BRDT: variants seen among roughly 807,000 people sequenced by gnomAD.
BRDT encodes bromodomain testis associated, also known as bromodomain testis-specific protein.
BRDT carries 77 observed loss-of-function variants against 113.9 expected under a neutral mutation model. The ratio of observed to expected loss-of-function variants is 0.68; its 90% CI spans 0.56 to 0.82. The LOEUF is 0.82. Among genes scored for constraint, BRDT ranks in the 40% least tolerant of loss-of-function variants. The pLI is 0.00. For synonymous variants in BRDT, 358 were observed against 366.5 expected (o/e 0.98, Z 0.26); for missense variants, 1,027 against 1,105.4 (o/e 0.93, Z 1.01).
At chr1:91,989,702 C>T (rs961528272) in intron 12 of BRDT, among the ~76,000 whole-genome samples, 5 of 152,096 alleles carry the variant, frequency 3.3e-5, no homozygotes, top group Non-Finnish European at 7.3e-5. Flanking sequence ...GATGTATATT[C>T]TCAATCTTCT....
intron 4 of BRDT, among the ~76,000 whole-genome samples, chr1:91,970,281 C>T (rs1190674439): frequency 2.0e-5 from 3 of 152,108 alleles, no homozygotes; most frequent in Admixed American, 6.5e-5. Flanking sequence ...TGTTTTATTT[C>T]GAGACAGGGT....
At chr1:91,984,787 A>G (rs1284507872) in intron 12 of BRDT, among the ~76,000 whole-genome samples, 1 of 152,124 alleles carries the variant, frequency 6.6e-6, no homozygotes, top group Admixed American at 6.5e-5. Flanking sequence ...GTGTGCCACC[A>G]CGCTGGGCTA....
intron 1 of BRDT, among the ~76,000 whole-genome samples, chr1:91,951,730 C>T (rs1681108846): frequency 6.6e-6 from 1 of 152,064 alleles, no homozygotes; most frequent in African/African-American, 2.4e-5. Context: ...GCTGAGATCA[C>T]ACCACTGCAC....
At chr1:91,956,842 G>A (rs1403596543) in intron 1 of BRDT, among the ~76,000 whole-genome samples, 2 of 152,184 alleles carry the variant, frequency 1.3e-5, no homozygotes, top group African/African-American at 2.4e-5. Context: ...AGGAAACTGA[G>A]GGAGGAGGAT....
intron 16 of BRDT, among the ~76,000 whole-genome samples, chr1:92,003,820 T>G (rs1033271665): frequency 1.3e-5 from 2 of 152,170 alleles, no homozygotes; most frequent in African/African-American, 4.8e-5. Context: ...ATAAATATAT[T>G]AAATTTACTT....
intron 5 of BRDT, 50 bp from the exon 6 acceptor site, chr1:91,976,992 CT>C (rs754759998): frequency 7.2e-7 from 1 of 1,391,728 alleles, no homozygotes; most frequent in South Asian, 1.5e-5. Context: ...AGGAACTATG[CT>C]CTGAATATCA....
At chr1:92,000,168 G>A (rs568719778) in intron 15 of BRDT, among the ~76,000 whole-genome samples, 1 of 152,322 alleles carries the variant, frequency 6.6e-6, no homozygotes, top group Non-Finnish European at 1.5e-5. Context: ...CTGAGCCAGT[G>A]CACCCAGTCT....
intron 3 of BRDT, among the ~76,000 whole-genome samples, chr1:91,967,273 G>A (rs1357617496): frequency 6.6e-6 from 1 of 150,416 alleles, no homozygotes; most frequent in Non-Finnish European, 1.5e-5. Context: ...TTTCGCTCTT[G>A]TTGCCCAGGC....
intron 12 of BRDT, 143 bp downstream of exon 12, chr1:91,981,898 A>T: frequency 8.4e-7 from 1 of 1,184,242 alleles, no homozygotes; most frequent in East Asian, 2.6e-5. Flanking sequence ...GCATGTTGAC[A>T]ATCTTAGTAT....
In BRDT at chr1:92,004,608, A is replaced by G; in HGVS notation, c.2583A>G (p.Gln861=). The G allele has an allele frequency of 6.2e-7, 1 of 1,605,208 alleles. No individual in the cohort carries two copies. The highest frequency in any genetic ancestry group is 8.5e-7 in the Non-Finnish European group (1 of 1,177,578). ...EQNTKELKAS[Q]ENQRDLGNGL... ...ATACAAAGGAACTAAAAGCATCTCA[A>G]GAAAATCAGAGGTCTGTAATTTACT... The change falls in exon 17 of 19, where the codon CAA becomes CAG. Residue 861 remains glutamine, a synonymous_variant. Coordinates refer to ENST00000399546, the MANE Select transcript of BRDT (RefSeq NM_207189.4).
chr1:91,991,236 G>T lies in BRDT; in HGVS notation c.2055G>T (p.Glu685Asp). 6.5e-7 allele frequency: 1 copy of T among 1,539,162 alleles called. No homozygotes were observed. The highest frequency in any genetic ancestry group is 8.9e-7 in the Non-Finnish European group (1 of 1,125,062). Residue 685 changes from glutamate (E) to aspartate (D), a missense_variant, in exon 13 of 19, where the codon GAG (glutamate) becomes GAT (aspartate). Transcript: ENST00000399546. ...EVKPNDSPSK[E>D]NVKKMKNECI... is the part of the protein sequence containing the mutation. ...AACCAAATGATTCTCCTTCTAAAGA[G>T]AATGTAAAGGTAAGTGAATTCTTTA...
In BRDT at chr1:91,980,700, A is replaced by T. The variant is rs757728254; in HGVS notation, c.1345A>T (p.Asn449Tyr). ...VLSQVPFRKL[N>Y]KKKEKSKKEK... ...GTCCCAAGTACCTTTCCGTAAGCTA[A>T]ATAAAAAGAAAGAGAAGTCTAAAAA... is the stretch of plus-strand genomic sequence containing the variant. The change falls in exon 9 of 19, where the codon AAT (asparagine) becomes TAT (tyrosine). Residue 449 changes from asparagine (N) to tyrosine (Y), a missense_variant. Transcript: ENST00000399546. 3 of 1,605,766 alleles carry T rather than the reference A, an allele frequency of 1.9e-6. No individual in the cohort carries two copies. The Admixed American group carries it at 5.2e-5, about 28-fold the overall frequency.
chr1:92,010,941 G>A (rs1293449223), intron 18 of BRDT, among the ~76,000 whole-genome samples: 1 of 151,116 alleles, frequency 6.6e-6, no homozygotes, highest in African/African-American at 2.4e-5. Flanking sequence ...ACCAGGTGTC[G>A]TGAATGTTAC....
chr1:91,969,978 G>A (rs1278060755), intron 4 of BRDT, among the ~76,000 whole-genome samples: 3 of 151,960 alleles, frequency 2.0e-5, no homozygotes, highest in African/African-American at 7.2e-5. Context: ...ACAGGCGCAT[G>A]CCACCATGCC....
At chr1:91,990,062 T>C (rs1685625255) in intron 12 of BRDT, among the ~76,000 whole-genome samples, 1 of 152,212 alleles carries the variant, frequency 6.6e-6, no homozygotes, top group East Asian at 1.9e-4. Flanking sequence ...TTGGAGAGAC[T>C]GATCAGGGCA....
At chr1:91,959,061 A>G (rs922957556) in intron 1 of BRDT, among the ~76,000 whole-genome samples, 2 of 152,100 alleles carry the variant, frequency 1.3e-5, no homozygotes, top group African/African-American at 4.8e-5. Context: ...AAAAGTAGAA[A>G]ATGAAACCAT....
At chr1:92,000,366 A>C (rs1346554380) in intron 15 of BRDT, among the ~76,000 whole-genome samples, 1 of 152,194 alleles carries the variant, frequency 6.6e-6, no homozygotes, top group African/African-American at 2.4e-5. Context: ...AGCTTTTCTC[A>C]CTATTTTTTC....
rs1452065148 is a variant in BRDT at position 92,002,229 on chromosome 1, A to T, written c.2388+80A>T. 3.1e-6 allele frequency: 3 copies of T among 961,804 alleles called. No homozygotes were observed. The African/African-American group carries it at 5.0e-5, about 16-fold the overall frequency. 59.6% of individuals were successfully genotyped at this position (961,804 alleles called of 1,614,324 possible). A position where few individuals can be genotyped will look rare whatever the true frequency, so the allele number is the denominator to read the frequency against. On this transcript the variant is annotated intron_variant, in intron 16 of 18. Coordinates refer to ENST00000399546, the MANE Select transcript of BRDT (RefSeq NM_207189.4). ...GGAAGTGGTACAAGAGGTATTTAAA[A>T]GCCCTGACTTAAATGAAATGTTGGA...
chr1:91,978,340 T>C, intron 7 of BRDT, 44 bp downstream of exon 7: 1 of 1,598,306 alleles, frequency 6.3e-7, no homozygotes, highest in Non-Finnish European at 8.5e-7. Flanking sequence ...CCTCTGAACA[T>C]AGTTGAAACG....
Sources: allele counts gnomAD v4.1 joint callset (sites outside exome capture counted in the v4.1 genomes callset), GRCh38; gene constraint gnomAD v4.1.1; transcripts MANE v1.5; gene names NCBI Gene and HGNC (gene_info 2026-07-23, HGNC 2026-07-21).